The following SORBS2 variants were observed in gnomAD, a reference collection of about 807,000 sequenced individuals.
SORBS2 encodes the protein sorbin and SH3 domain-containing protein 2.
A neutral mutation model predicts 97.7 loss-of-function variants in SORBS2; 46 were observed. That is an observed-to-expected ratio of 0.47 (90% CI 0.37 to 0.60). The LOEUF is 0.60. SORBS2 is among the 20% of genes least tolerant of loss of function. SORBS2 has a pLI of 0.00. For missense variants in SORBS2, 1,316 were observed against 1,282.3 expected, an observed-to-expected ratio of 1.03 and a Z score of -0.40; for synonymous variants, 476 against 473.4, an observed-to-expected ratio of 1.01 and a Z score of -0.07.
At chr4:185,825,416 C>A (rs1315178695) in intron 1 of SORBS2, among the ~76,000 whole-genome samples, 1 of 152,130 alleles carries the variant, frequency 6.6e-6, no homozygotes, top group East Asian at 1.9e-4. Context: ...TGTATGACTT[C>A]CAAGGTTAAA....
intron 2 of SORBS2, among the ~76,000 whole-genome samples, chr4:185,756,205 T>C (rs1235958718): frequency 6.6e-6 from 1 of 152,220 alleles, no homozygotes; most frequent in Non-Finnish European, 1.5e-5. Context: ...ATGCAGTTCA[T>C]AACTGTTATT....
intron 2 of SORBS2, among the ~76,000 whole-genome samples, chr4:185,686,582 T>G (rs2097963424): frequency 6.6e-6 from 1 of 152,122 alleles, no homozygotes; most frequent in South Asian, 2.1e-4. Flanking sequence ...TAGAGACAAG[T>G]GCGTCTGATA....
At chr4:185,707,042 C>T (rs2098353928) in intron 2 of SORBS2, among the ~76,000 whole-genome samples, 1 of 152,052 alleles carries the variant, frequency 6.6e-6, no homozygotes, top group African/African-American at 2.4e-5. Flanking sequence ...GATATAGCTC[C>T]TACTTAAAAA....
intron 1 of SORBS2, among the ~76,000 whole-genome samples, chr4:185,869,892 T>C (rs1161140275): frequency 6.6e-6 from 1 of 152,212 alleles, no homozygotes; most frequent in East Asian, 1.9e-4. Flanking sequence ...CGAGGAATAA[T>C]TTAAAGGTGT....
At chr4:185,827,118 C>G (rs1585257241) in intron 1 of SORBS2, among the ~76,000 whole-genome samples, 1 of 128,132 alleles carries the variant, frequency 7.8e-6, no homozygotes, top group Non-Finnish European at 1.7e-5. Context: ...TCGCCATCAT[C>G]ATCACCATCA....
intron 5 of SORBS2, among the ~76,000 whole-genome samples, chr4:185,629,861 T>C (rs1033488291): frequency 3.9e-5 from 6 of 152,118 alleles, no homozygotes; most frequent in Non-Finnish European, 1.5e-5. Flanking sequence ...TGCCTGGCCA[T>C]GAATTTTGTA....
chr4:185,777,171 T>C (rs1423694471), intron 1 of SORBS2, among the ~76,000 whole-genome samples: 2 of 152,206 alleles, frequency 1.3e-5, no homozygotes, highest in African/African-American at 4.8e-5. Flanking sequence ...AAATTAACTT[T>C]GAAATCTCTA....
chr4:185,649,513 G>T, exon 3 of SORBS2: 1 of 1,603,252 alleles, frequency 6.2e-7, no homozygotes, highest in Non-Finnish European at 8.5e-7. Flanking sequence ...GGGACTGGAG[G>T]TGGAACATGT....
intron 4 of SORBS2, among the ~76,000 whole-genome samples, chr4:185,668,726 G>T (rs1365821711): frequency 6.6e-6 from 1 of 152,128 alleles, no homozygotes; most frequent in Non-Finnish European, 1.5e-5. Flanking sequence ...TTAAACAAGT[G>T]TATTTTTTTC....
At chr4:185,875,137 T>C (rs2099232779) in intron 1 of SORBS2, among the ~76,000 whole-genome samples, 4 of 152,028 alleles carry the variant, frequency 2.6e-5, no homozygotes, top group Admixed American at 2.6e-4. Context: ...TGGTTAAAAA[T>C]AAGGCAAGAA....
At chr4:185,587,523 T>G in exon 15 of SORBS2, 3 of 953,502 alleles carry the variant, frequency 3.1e-6, no homozygotes, top group Non-Finnish European at 5.0e-6. Context: ...GACGGCGCAT[T>G]GGAAACCGTA....
In SORBS2 at chr4:185,738,440, C is replaced by A. The variant is rs182224150; in HGVS notation, c.-198+36787G>T. On this transcript the variant is annotated intron_variant, in intron 2 of 20. Transcript: ENST00000284776. ...TTTCCTTTTCCCAAAACAGAAAAAA[C>A]AAGACATGCTGTGTGGTTTTGCAAC... 5.8e-3 allele frequency among the ~76,000 whole-genome samples: 876 copies of A among 152,282 alleles called. 11 individuals are homozygous for A. Among genetic ancestry groups the A allele is most frequent in the African/African-American group, 0.02 (839 of 41,560 alleles).
chr4:185,631,954 A>C (rs891363562), intron 4 of SORBS2, among the ~76,000 whole-genome samples: 2 of 152,256 alleles, frequency 1.3e-5, no homozygotes, highest in Non-Finnish European at 2.9e-5. Context: ...ATTTGTCTGT[A>C]TGAAAGCTTA....
At chr4:185,782,874 TG>T (rs2099037882) in intron 1 of SORBS2, among the ~76,000 whole-genome samples, 5 of 152,326 alleles carry the variant, frequency 3.3e-5, no homozygotes, top group Admixed American at 3.3e-4. Flanking sequence ...AAAGGAGCTA[TG>T]GAAACTTTTC....
chr4:185,658,895 A>G (rs543097865), upstream of SORBS2, among the ~76,000 whole-genome samples: 191 of 152,034 alleles, frequency 1.3e-3, 1 homozygote, highest in African/African-American at 4.5e-3. Flanking sequence ...TTTAGTAGAG[A>G]CGGGGTTTCA....
chr4:185,755,511 A>G (rs2098825321), intron 2 of SORBS2, among the ~76,000 whole-genome samples: 1 of 152,240 alleles, frequency 6.6e-6, no homozygotes, highest in Non-Finnish European at 1.5e-5. Flanking sequence ...TTCTACTCAT[A>G]AAATACACAA....
chr4:185,662,031 G>A (rs112389727), intron 5 of SORBS2, 73 bp downstream of exon 8: 17 of 1,543,244 alleles, frequency 1.1e-5, no homozygotes, highest in Non-Finnish European at 1.5e-5. Context: ...CCTTGATGCC[G>A]CATATCTTTC....
At chr4:185,701,275 G>A (rs546108589) in intron 2 of SORBS2, among the ~76,000 whole-genome samples, 1 of 152,160 alleles carries the variant, frequency 6.6e-6, no homozygotes, top group African/African-American at 2.4e-5. Context: ...AGGGCAGCCT[G>A]GTTTTAGCTC....
At chr4:185,685,793 T>G (rs2097946461) in intron 2 of SORBS2, among the ~76,000 whole-genome samples, 1 of 152,216 alleles carries the variant, frequency 6.6e-6, no homozygotes, top group Admixed American at 6.5e-5. Flanking sequence ...ATTACAAGCA[T>G]GAGCCACCGC....
Sources: gnomAD v4.1 joint callset for allele counts (sites outside exome capture counted in the v4.1 genomes callset) on GRCh38, gnomAD v4.1.1 for gene constraint, MANE v1.5 for transcripts, NCBI Gene and HGNC (gene_info 2026-07-23, HGNC 2026-07-21) for gene names.